NYNRIN: variants seen among roughly 807,000 people sequenced by gnomAD.
NYNRIN encodes protein NYNRIN.
A neutral mutation model predicts 146.6 loss-of-function variants in NYNRIN; 86 were observed. The ratio of observed to expected loss-of-function variants is 0.59; its 90% CI spans 0.49 to 0.70. The LOEUF (loss-of-function observed/expected upper bound fraction) is 0.70, where lower values mean the gene tolerates loss of function less well. Ranked by LOEUF, NYNRIN falls within the 30% of genes least tolerant of loss-of-function variation. The pLI is 0.00. For missense variants in NYNRIN, 2,191 were observed against 2,377.7 expected (o/e 0.92, Z 1.63); for synonymous variants, 1,027 against 1,001.3 (o/e 1.03, Z -0.48).
intron 2 of NYNRIN, among the ~76,000 whole-genome samples, chr14:24,400,510 C>T (rs1227935132): frequency 1.3e-5 from 2 of 152,200 alleles, no homozygotes. Flanking sequence ...CTCGGCCAGC[C>T]AGCCTGGTAG....
chr14:24,407,989 C>G lies in NYNRIN; in HGVS notation c.319C>G (p.Leu107Val), dbSNP rs1454804280. 6.2e-7 allele frequency: 1 copy of G among 1,614,044 alleles called. No homozygotes were observed. ...CCTGGACTGCCTCTGCTGGAGCACC[C>G]TTGCCTACCTGGTGCCTGGCCCCCC... is the stretch of plus-strand genomic sequence containing the variant. ...LFLDCLCWST[L>V]AYLVPGPPGS... Residue 107 changes from leucine to valine, a missense_variant, in exon 3 of 9, where the codon CTT becomes GTT. Leu to Val is a conservative substitution (Grantham distance 32). Around this residue, in one of 3 missense-constraint regions of NYNRIN, gnomAD observed 895 missense variants for 941.2 expected, o/e 0.95. Transcript: ENST00000382554.
At chr14:24,404,567 G>C (rs2042864883) in intron 2 of NYNRIN, among the ~76,000 whole-genome samples, 1 of 152,164 alleles carries the variant, frequency 6.6e-6, no homozygotes, top group Admixed American at 6.5e-5. Flanking sequence ...TTCCTCACAA[G>C]CCTGATAATC....
In NYNRIN at chr14:24,414,578, C is replaced by T. The variant is rs1179483934; in HGVS notation, c.2847-18C>T. Reference sequence around the variant, plus strand: ...CACGATGGGGCTGCCCTTCCCTCTTCCATCTGTTTTGGTGTAGGTTGGACA... The same window carrying T: ...CACGATGGGGCTGCCCTTCCCTCTTTCATCTGTTTTGGTGTAGGTTGGACA... On this transcript the variant is annotated intron_variant, in intron 8 of 8. Coordinates refer to ENST00000382554, the MANE Select transcript of NYNRIN (RefSeq NM_025081.3). The T allele has an allele frequency of 1.3e-5, 21 of 1,588,044 alleles. No individual in the cohort carries two copies. The highest frequency in any genetic ancestry group is 1.7e-5 in the Non-Finnish European group (20 of 1,164,852).
chr14:24,405,455 A>G (rs2042870614), intron 2 of NYNRIN, among the ~76,000 whole-genome samples: 1 of 152,166 alleles, frequency 6.6e-6, no homozygotes, highest in Admixed American at 6.5e-5. Context: ...CTTCTGTATC[A>G]TCTTTCTACC....
intron 8 of NYNRIN, among the ~76,000 whole-genome samples, chr14:24,414,254 C>T (rs992934758): frequency 5.3e-5 from 8 of 152,266 alleles, no homozygotes; most frequent in Non-Finnish European, 1.0e-4. Context: ...ACACTGCCCC[C>T]CCTTTTCCAG....
rs755628226 is a variant in NYNRIN at position 24,415,626 on chromosome 14, C to G, written c.3877C>G (p.Arg1293Gly). 1 of 1,613,896 alleles carries G rather than the reference C, an allele frequency of 6.2e-7. No homozygotes were observed. The highest frequency in any genetic ancestry group is 1.3e-5 in the African/African-American group (1 of 74,930). Residue 1293 changes from arginine to glycine, a missense_variant, in exon 9 of 9, where the codon CGC becomes GGC. By Grantham distance (125) the Arg-to-Gly change is moderately radical. Coordinates refer to ENST00000382554, the MANE Select transcript of NYNRIN (RefSeq NM_025081.3). ...RLLTPAASMP[R>G]FFQVLPPFSD... ...GCTCACCCCCGCGGCCTCCATGCCT[C>G]GCTTCTTCCAGGTTCTGCCGCCTTT...
chr14:24,416,837 C>T lies in NYNRIN; in HGVS notation c.5088C>T (p.Ala1696=), dbSNP rs183720268. 102 of 1,609,548 alleles carry T rather than the reference C, an allele frequency of 6.3e-5. No individual in the cohort carries two copies. The African/African-American group carries it at 1.1e-3, about 17-fold the overall frequency. The part of the protein sequence containing the change: ...ARHVLVSCGL[A]LGAQVASLSR... ...ACGTCCTTGTGAGCTGTGGGCTGGC[C>T]CTGGGAGCCCAGGTGGCCTCCCTGA... The change falls in exon 9 of 9, where the codon GCC becomes GCT. Residue 1696 remains alanine (A), a synonymous_variant. Coordinates refer to ENST00000382554, the MANE Select transcript of NYNRIN (RefSeq NM_025081.3).
chr14:24,405,688 C>T (rs930053872), intron 2 of NYNRIN, among the ~76,000 whole-genome samples: 1 of 152,178 alleles, frequency 6.6e-6, no homozygotes, highest in Non-Finnish European at 1.5e-5. Flanking sequence ...ACTGTGTGAT[C>T]TTGGACATAT....
In NYNRIN at chr14:24,418,315, C is replaced by T. The variant is rs924655663; in HGVS notation, c.*869C>T. The T allele has an allele frequency of 4.2e-5, 19 of 455,656 alleles. No individual in the cohort carries two copies. Among genetic ancestry groups the T allele is most frequent in the African/African-American group, 1.2e-4 (6 of 50,034 alleles). 28.2% of individuals were successfully genotyped at this position (455,656 alleles called of 1,614,324 possible). A position where few individuals can be genotyped will look rare whatever the true frequency, so the allele number is the denominator to read the frequency against. On this transcript the variant is annotated 3_prime_UTR_variant, in exon 9 of 9. Coordinates refer to ENST00000382554, the MANE Select transcript of NYNRIN (RefSeq NM_025081.3). ...CGGCCTCTGTTTTAAGGGGGCAGGG[C>T]GTCTGCAACAGGAGTGGCACACGGT...
chr14:24,409,110 G>A lies in NYNRIN; in HGVS notation c.1316G>A (p.Gly439Glu), dbSNP rs771586058. ...GCTGGTAGACCAGATGGGGGGCTGG[G>A]AGGAGAAGCAGCCCTGCAGAATTGC... Reference protein sequence around the residue: ...SPAGRPDGGLGGEAALQNCPR... With the variant: ...SPAGRPDGGLEGEAALQNCPR... Residue 439 changes from glycine (G) to glutamate (E), a missense_variant, in exon 4 of 9, where the codon GGA becomes GAA. This residue lies in a region of NYNRIN where 895 missense variants were observed against 941.2 expected (regional missense o/e 0.95). Coordinates refer to ENST00000382554, the MANE Select transcript of NYNRIN (RefSeq NM_025081.3). 4 of 1,613,684 alleles carry A rather than the reference G, an allele frequency of 2.5e-6. No individual in the cohort carries two copies. The highest frequency in any genetic ancestry group is 2.2e-5 in the East Asian group (1 of 44,872).
At position 24,409,139 on chromosome 14, in the gene NYNRIN, A is replaced by G; in HGVS notation, c.1345A>G (p.Arg449Gly). 2 of 1,613,956 alleles carry G rather than the reference A, an allele frequency of 1.2e-6. No individual in the cohort carries two copies. The highest frequency in any genetic ancestry group is 1.1e-5 in the South Asian group (1 of 91,080). The change falls in exon 4 of 9, where the codon AGG (arginine) becomes GGG (glycine). Residue 449 changes from arginine to glycine, a missense_variant. Physicochemically the swap from Arg to Gly is moderately radical, Grantham distance 125. Around this residue, in one of 3 missense-constraint regions of NYNRIN, gnomAD observed 895 missense variants for 941.2 expected, o/e 0.95. Coordinates refer to ENST00000382554, the MANE Select transcript of NYNRIN (RefSeq NM_025081.3). ...AGAAGCAGCCCTGCAGAATTGCCCAAGGCCAGAGATTTCCCCAAAAGTTAC... is the reference window on the plus strand; with the variant it reads ...AGAAGCAGCCCTGCAGAATTGCCCAGGGCCAGAGATTTCCCCAAAAGTTAC... Reference protein sequence around the residue: ...GGEAALQNCPRPEISPKVTSL... With the variant: ...GGEAALQNCPGPEISPKVTSL...
intron 1 of NYNRIN, 43 bp downstream of exon 1, chr14:24,399,129 C>A: frequency 1.1e-6 from 1 of 948,534 alleles, no homozygotes; most frequent in South Asian, 1.7e-5. Flanking sequence ...GCGGGGGGCG[C>A]GCCGCGGGGA....
In NYNRIN at chr14:24,416,044, A is replaced by C; in HGVS notation, c.4295A>C (p.Tyr1432Ser). 6.2e-7 allele frequency: 1 copy of C among 1,613,728 alleles called. No individual in the cohort carries two copies. The stretch of plus-strand genomic sequence containing the variant: ...CTTCCGTTTATCTACCGAACCTCCT[A>C]CCGGGGCTCTCTGTTTGCTGTGACA... Reference protein sequence around the residue: ...SSLPFIYRTSYRGSLFAVTVD... With the variant: ...SSLPFIYRTSSRGSLFAVTVD... The change falls in exon 9 of 9, where the codon TAC becomes TCC. Residue 1432 changes from tyrosine (Y) to serine (S), a missense_variant. By Grantham distance (144) the Tyr-to-Ser change is moderately radical. Coordinates refer to ENST00000382554, the MANE Select transcript of NYNRIN (RefSeq NM_025081.3).
chr14:24,414,666 G>A lies in NYNRIN; in HGVS notation c.2917G>A (p.Glu973Lys). The A allele has an allele frequency of 2.5e-6, 4 of 1,613,758 alleles. No individual in the cohort carries two copies. Residue 973 changes from glutamate (E) to lysine (K), a missense_variant, in exon 9 of 9, where the codon GAG becomes AAG. This residue lies in a region of NYNRIN where 1,291 missense variants were observed against 1,417.0 expected (regional missense o/e 0.91). Transcript: ENST00000382554. ...TLPPSSASVT[E>K]LSDDADSGPL... ...TCCTCCCAGCTCAGCCAGTGTCACT[G>A]AGCTGAGTGATGACGCTGACTCTGG...
rs367836202 is a variant in NYNRIN, at chr14:24,413,032, T to C, written c.2678T>C (p.Ile893Thr). 3 of 1,602,094 alleles carry C rather than the reference T, an allele frequency of 1.9e-6. No homozygotes were observed. The highest frequency in any genetic ancestry group is 2.6e-6 in the Non-Finnish European group (3 of 1,174,380). Residue 893 changes from isoleucine (I) to threonine (T), a missense_variant, in exon 7 of 9, where the codon ATC becomes ACC. Transcript: ENST00000382554. ...AAGCTGGCAGAGGAGACAGATGGCA[T>C]CATTGTCACCAATGAGCAGATTCAC... ...MVKLAEETDG[I>T]IVTNEQIHIL...
In NYNRIN at chr14:24,408,375, G is replaced by T; in HGVS notation, c.705G>T (p.Val235=). 3.1e-6 allele frequency: 5 copies of T among 1,613,908 alleles called. 1 individual carries two copies. In the South Asian group the frequency reaches 3.3e-5, roughly 11 times the overall value. The change falls in exon 3 of 9, where the codon GTG becomes GTT. Residue 235 remains valine, a synonymous_variant. Coordinates refer to ENST00000382554, the MANE Select transcript of NYNRIN (RefSeq NM_025081.3). ...PQQQKEAPAM[V]SVGESPGPFV... is the part of the protein sequence containing the mutation. ...AGCAGAAGGAAGCCCCAGCCATGGT[G>T]TCCGTGGGAGAGAGTCCTGGACCCT...
intron 8 of NYNRIN, among the ~76,000 whole-genome samples, 172 bp from the exon 9 acceptor site, chr14:24,414,424 G>A (rs17795070): frequency 0.15 from 23,603 of 152,278 alleles, 1,908 homozygotes; most frequent in Non-Finnish European, 0.18. Context: ...CCATGCATGA[G>A]GTAGAGGAAG....
chr14:24,413,385 C>T lies in NYNRIN; in HGVS notation c.2814C>T (p.Pro938=), dbSNP rs1434366276. The T allele has an allele frequency of 6.2e-7, 1 of 1,613,208 alleles. No homozygotes were observed. Among genetic ancestry groups the T allele is most frequent in the East Asian group, 2.2e-5 (1 of 44,868 alleles). ...ATGACCCCCTGGGCCGTGATGGCCCCACCTTGGATGAGTTTCTGAAGAAGC... is the reference window on the plus strand; with the variant it reads ...ATGACCCCCTGGGCCGTGATGGCCCTACCTTGGATGAGTTTCTGAAGAAGC... ...VPDDPLGRDG[P]TLDEFLKKPN... is the part of the protein sequence containing the mutation. Residue 938 remains proline, a synonymous_variant, in exon 8 of 9, where the codon CCC becomes CCT. Transcript: ENST00000382554.
rs369993635 is a variant in NYNRIN at position 24,408,727 on chromosome 14, C to A, written c.933C>A (p.Asp311Glu). 11 of 1,613,936 alleles carry A rather than the reference C, an allele frequency of 6.8e-6. No homozygotes were observed. The African/African-American group carries it at 1.5e-4, about 22-fold the overall frequency. ...CAGTGCAAGCCACCAGCAGCCAGGA[C>A]TCCACGAACCACACACAAGCCTTGT... Reference protein sequence around the residue: ...EGTVQATSSQDSTNHTQALLK... With the variant: ...EGTVQATSSQESTNHTQALLK... The change falls in exon 4 of 9, where the codon GAC becomes GAA. Residue 311 changes from aspartate (D) to glutamate (E), a missense_variant. Asp to Glu is a conservative substitution (Grantham distance 45). This residue lies in a region of NYNRIN where 895 missense variants were observed against 941.2 expected (regional missense o/e 0.95). Transcript: ENST00000382554.
Sources: allele counts gnomAD v4.1 joint callset (sites outside exome capture counted in the v4.1 genomes callset), GRCh38; gene constraint gnomAD v4.1.1; regional missense constraint gnomAD v4.1.1; transcripts MANE v1.5; gene names NCBI Gene and HGNC (gene_info 2026-07-23, HGNC 2026-07-21).